Variants in AP3B1 observed in about 807,000 individuals in gnomAD.
The protein encoded by AP3B1 is adaptor related protein complex 3 subunit beta 1.
AP3B1 carries 61 observed loss-of-function variants against 132.5 expected under a neutral mutation model. The ratio of observed to expected loss-of-function variants is 0.46; its 90% confidence interval spans 0.37 to 0.57. The LOEUF is 0.57. Among genes scored for constraint, AP3B1 ranks in the 20% least tolerant of loss-of-function variants. AP3B1 has a pLI of 0.00. For missense variants in AP3B1, 1,120 were observed against 1,289.4 expected (o/e 0.87, Z 2.01); for synonymous variants, 388 against 438.3 (o/e 0.89, Z 1.43).
chr5:78,050,967 T>A (rs1054335637), intron 22 of AP3B1, among the ~76,000 whole-genome samples: 4 of 152,270 alleles, frequency 2.6e-5, no homozygotes, highest in Middle Eastern at 3.4e-3. Context: ...CTACAAATCT[T>A]TACACAGCAT....
downstream of AP3B1, chr5:78,000,794 A>T (rs1156498470): frequency 6.6e-6 from 1 of 152,182 alleles, no homozygotes; most frequent in African/African-American, 2.4e-5. Flanking sequence ...ATAATCATGG[A>T]TTATGACAAA....
At chr5:78,023,444 A>AAAGAC (rs536476901) in intron 24 of AP3B1, among the ~76,000 whole-genome samples, 1 of 146,984 alleles carries the variant, frequency 6.8e-6, no homozygotes, top group Non-Finnish European at 1.5e-5. Context: ...CCCATCAAGA[A>AAAGAC]AAGAAAAGAA....
At chr5:78,192,199 T>C (rs565581195) in intron 7 of AP3B1, among the ~76,000 whole-genome samples, 1 of 149,452 alleles carries the variant, frequency 6.7e-6, no homozygotes, top group Non-Finnish European at 1.5e-5. Flanking sequence ...GTCTTTAAAA[T>C]AAGCATACAA....
At chr5:78,277,727 T>G (rs556476922) in intron 1 of AP3B1, among the ~76,000 whole-genome samples, 1 of 152,240 alleles carries the variant, frequency 6.6e-6, no homozygotes, top group Non-Finnish European at 1.5e-5. Flanking sequence ...ACAATAAACA[T>G]TAGTTGAAAA....
intron 1 of AP3B1, among the ~76,000 whole-genome samples, chr5:78,284,568 A>C (rs1322193321): frequency 4.6e-5 from 7 of 152,246 alleles, no homozygotes; most frequent in Non-Finnish European, 1.0e-4. Flanking sequence ...TAAATGAAAC[A>C]AGCAAATTAT....
chr5:78,001,117 T>A (rs565472584), downstream of AP3B1: 8 of 152,332 alleles, frequency 5.3e-5, no homozygotes, highest in South Asian at 1.7e-3. Context: ...GTGTGAACTA[T>A]CTTTTAAAGA....
chr5:78,278,737 G>A (rs1748908816), intron 1 of AP3B1, among the ~76,000 whole-genome samples: 1 of 151,814 alleles, frequency 6.6e-6, no homozygotes, highest in Non-Finnish European at 1.5e-5. Context: ...TAGAAACCAG[G>A]ATGCCACACA....
intron 26 of AP3B1, among the ~76,000 whole-genome samples, chr5:78,010,372 C>G (rs1057505680): frequency 8.5e-5 from 13 of 152,302 alleles, no homozygotes; most frequent in Non-Finnish European, 1.8e-4. Context: ...ATAGAGATTC[C>G]TGGGCTCTTT....
chr5:78,027,996 C>T (rs916651426), intron 24 of AP3B1, among the ~76,000 whole-genome samples: 4 of 151,994 alleles, frequency 2.6e-5, no homozygotes, highest in African/African-American at 4.8e-5. Context: ...CCTGGTGGCG[C>T]GTGCCTGTAA....
chr5:78,229,645 G>T (rs745953400), intron 3 of AP3B1, among the ~76,000 whole-genome samples: 70 of 151,980 alleles, frequency 4.6e-4, no homozygotes, highest in Non-Finnish European at 1.6e-4. Context: ...AGGCTGAGAT[G>T]GGAGAGTCAC....
chr5:78,099,111 T>C (rs1172428952), intron 21 of AP3B1, among the ~76,000 whole-genome samples: 1 of 152,158 alleles, frequency 6.6e-6, no homozygotes, highest in Non-Finnish European at 1.5e-5. Flanking sequence ...TTCTGTCACA[T>C]GAGGAAACAG....
At chr5:78,189,622 C>T (rs1744744382) in intron 7 of AP3B1, among the ~76,000 whole-genome samples, 1 of 152,042 alleles carries the variant, frequency 6.6e-6, no homozygotes, top group Non-Finnish European at 1.5e-5. Flanking sequence ...ATAATCCCAG[C>T]ACTCTGGGAG....
At chr5:78,148,675 T>C (rs899094900) in intron 14 of AP3B1, among the ~76,000 whole-genome samples, 4 of 152,212 alleles carry the variant, frequency 2.6e-5, no homozygotes, top group African/African-American at 9.6e-5. Context: ...ACATTCCTAG[T>C]CTATTGCTAT....
intron 22 of AP3B1, among the ~76,000 whole-genome samples, chr5:78,049,203 G>A (rs903825720): frequency 6.6e-6 from 1 of 152,122 alleles, no homozygotes; most frequent in Non-Finnish European, 1.5e-5. Flanking sequence ...AACAAAGTAC[G>A]GCTTTGCCTT....
intron 3 of AP3B1, among the ~76,000 whole-genome samples, chr5:78,228,607 C>T (rs182854612): frequency 3.7e-4 from 56 of 152,286 alleles, no homozygotes; most frequent in African/African-American, 1.3e-3. Flanking sequence ...GTAGTCCCAG[C>T]TACACAGGAG....
chr5:78,108,049 A>G (rs990677718), intron 20 of AP3B1, among the ~76,000 whole-genome samples: 9 of 152,366 alleles, frequency 5.9e-5, no homozygotes, highest in Middle Eastern at 3.4e-3. Context: ...CTTATCTCAT[A>G]GGACTACCAT....
intron 15 of AP3B1, among the ~76,000 whole-genome samples, chr5:78,139,123 A>C (rs1284042797): frequency 6.6e-6 from 1 of 152,068 alleles, no homozygotes; most frequent in Admixed American, 6.6e-5. Context: ...TACAATAAAC[A>C]GTACTACATT....
At chr5:78,090,915 A>C (rs1372357170) in intron 21 of AP3B1, among the ~76,000 whole-genome samples, 2 of 151,628 alleles carry the variant, frequency 1.3e-5, no homozygotes, top group Middle Eastern at 3.5e-3. Flanking sequence ...CTCCTGAGTA[A>C]GTGCATGCCA....
intron 6 of AP3B1, among the ~76,000 whole-genome samples, chr5:78,217,636 A>G (rs1746017155): frequency 6.6e-6 from 1 of 152,142 alleles, no homozygotes; most frequent in African/African-American, 2.4e-5. Context: ...TTACATTTCT[A>G]TAAAGTGACA....
Sources: allele counts gnomAD v4.1 joint callset (sites outside exome capture counted in the v4.1 genomes callset), GRCh38; gene constraint gnomAD v4.1.1; transcripts MANE v1.5; gene names NCBI Gene and HGNC (gene_info 2026-07-23, HGNC 2026-07-21).